The following TMCO4 variants were observed in gnomAD, a reference collection of about 807,000 sequenced individuals.
TMCO4 encodes the protein transmembrane and coiled-coil domain-containing protein 4.
In TMCO4, 58 loss-of-function variants were observed where a neutral mutation model predicts 64.7. The observed-to-expected ratio is 0.90, with a 90% CI of 0.73 to 1.12. The LOEUF is 1.12. TMCO4 is among the 50% of genes most tolerant of loss of function. TMCO4 has a pLI of 0.00. For synonymous variants in TMCO4, 325 were observed against 346.1 expected, an observed-to-expected ratio of 0.94 and a Z score of 0.68; for missense variants, 780 against 825.9, an observed-to-expected ratio of 0.94 and a Z score of 0.68.
chr1:19,729,781 CA>C (rs748987215), intron 13 of TMCO4, among the ~76,000 whole-genome samples: 1 of 151,966 alleles, frequency 6.6e-6, no homozygotes. Flanking sequence ...AATAAATAAA[CA>C]AATAAATAAA....
chr1:19,696,767 T>C (rs555792390), intron 14 of TMCO4, among the ~76,000 whole-genome samples: 2 of 152,302 alleles, frequency 1.3e-5, no homozygotes, highest in African/African-American at 4.8e-5. Context: ...ATTTCTGTTG[T>C]AATTATGACA....
intron 6 of TMCO4, among the ~76,000 whole-genome samples, chr1:19,768,348 C>T (rs959636118): frequency 1.3e-5 from 2 of 152,178 alleles, no homozygotes; most frequent in Non-Finnish European, 2.9e-5. Context: ...CTCAGACCAC[C>T]ATGCAACTCA....
At chr1:19,691,763 T>C (rs1029852003) in intron 15 of TMCO4, among the ~76,000 whole-genome samples, 1 of 152,254 alleles carries the variant, frequency 6.6e-6, no homozygotes, top group African/African-American at 2.4e-5. Flanking sequence ...GGTTTAACTG[T>C]GTCCCCACCC....
chr1:19,760,567 C>A (rs914772937), intron 6 of TMCO4, among the ~76,000 whole-genome samples: 1 of 152,212 alleles, frequency 6.6e-6, no homozygotes, highest in Non-Finnish European at 1.5e-5. Context: ...CAGGCATGTG[C>A]TTCCATGCTC....
intron 4 of TMCO4, among the ~76,000 whole-genome samples, chr1:19,772,617 C>T (rs551807822): frequency 4.5e-4 from 69 of 152,174 alleles, no homozygotes; most frequent in Non-Finnish European, 8.5e-4. Context: ...ACTTAGAAGT[C>T]GATTATACCA....
intron 3 of TMCO4, among the ~76,000 whole-genome samples, chr1:19,784,615 T>C (rs2043640872): frequency 6.6e-6 from 1 of 152,142 alleles, no homozygotes; most frequent in Admixed American, 6.5e-5. Flanking sequence ...TGCCCTACAA[T>C]GCATTCTCTA....
Position 19,734,922 on chromosome 1 carries a change from T to C in TMCO4, c.1264+2450A>G, listed in dbSNP as rs2095446953. Among the ~76,000 whole-genome samples, 1 of 152,068 alleles carries C rather than the reference T, an allele frequency of 6.6e-6. No homozygotes were observed. ...GGAATGTGATCACACTTGCAAGTGCTTGGAACACAGCCTGGCACCCGGTGG... is the reference window on the plus strand; with the variant it reads ...GGAATGTGATCACACTTGCAAGTGCCTGGAACACAGCCTGGCACCCGGTGG... On this transcript the variant is annotated intron_variant, in intron 13 of 15. Coordinates refer to ENST00000294543, the MANE Select transcript of TMCO4 (RefSeq NM_181719.7). This position sits in a 1 kb window ranked among gnomAD's most constrained non-coding sequence, Gnocchi z 4.4.
At chr1:19,783,302 T>C (rs1197056734) in intron 3 of TMCO4, among the ~76,000 whole-genome samples, 2 of 152,180 alleles carry the variant, frequency 1.3e-5, no homozygotes, top group Non-Finnish European at 2.9e-5. Context: ...ATGGCAGACA[T>C]ATAGGGCCCA....
Position 19,723,019 on chromosome 1 carries a change from T to C in TMCO4, c.1264+14353A>G, listed in dbSNP as rs1238659506. 3.3e-5 allele frequency among the ~76,000 whole-genome samples: 5 copies of C among 152,222 alleles called. No individual in the cohort carries two copies. In the South Asian group the frequency reaches 8.3e-4, roughly 25 times the overall value. On this transcript the variant is annotated intron_variant, in intron 13 of 15. Transcript: ENST00000294543. ...GTACTAGTGGGCAGGTTGCTGTACA[T>C]CAGGAAGCCGGACTGCAGGCTCTCC...
chr1:19,716,350 C>G (rs144634177), intron 13 of TMCO4, among the ~76,000 whole-genome samples: 1 of 147,798 alleles, frequency 6.8e-6, no homozygotes. Flanking sequence ...CCTGCCACTA[C>G]GCCCGGCTAT....
At chr1:19,708,818 G>C (rs2095315399) in intron 13 of TMCO4, among the ~76,000 whole-genome samples, 1 of 152,146 alleles carries the variant, frequency 6.6e-6, no homozygotes, top group Admixed American at 6.5e-5. Flanking sequence ...GATTCTGCTG[G>C]GCTGCAAAGA....
chr1:19,756,147 G>C (rs1413355149), intron 6 of TMCO4, among the ~76,000 whole-genome samples: 2 of 152,068 alleles, frequency 1.3e-5, no homozygotes, highest in East Asian at 3.9e-4. Flanking sequence ...GCTACTCAGG[G>C]GGCTGATGTA....
At chr1:19,709,287 G>T (rs531416821) in intron 13 of TMCO4, among the ~76,000 whole-genome samples, 1 of 46,140 alleles carries the variant, frequency 2.2e-5, no homozygotes, top group South Asian at 7.2e-4. Flanking sequence ...ACATCCCGGC[G>T]GGGGGGGGGG....
chr1:19,794,020 A>G (rs74058655), intron 2 of TMCO4, among the ~76,000 whole-genome samples: 2,297 of 151,966 alleles, frequency 0.015, 67 homozygotes, highest in African/African-American at 0.053. Context: ...GGCCGCTGCA[A>G]TCTGGCCTGA....
intron 13 of TMCO4, among the ~76,000 whole-genome samples, chr1:19,703,552 T>C (rs11807471): frequency 9.6e-4 from 134 of 140,300 alleles, no homozygotes; most frequent in Middle Eastern, 3.5e-3. Flanking sequence ...TTTCTTTTCT[T>C]CCTCTTTTTT....
chr1:19,773,536 G>A (rs1456824087), intron 4 of TMCO4, among the ~76,000 whole-genome samples: 1 of 152,338 alleles, frequency 6.6e-6, no homozygotes, highest in East Asian at 1.9e-4. Context: ...GCTCCCTTCA[G>A]CTGAGGCAGG....
intron 13 of TMCO4, among the ~76,000 whole-genome samples, chr1:19,716,336 G>C (rs988154864): frequency 4.7e-5 from 7 of 149,498 alleles, no homozygotes; most frequent in Non-Finnish European, 8.9e-5. Flanking sequence ...AGGGATTACA[G>C]GTGCCTGCCA....
intron 13 of TMCO4, among the ~76,000 whole-genome samples, chr1:19,727,633 C>A (rs1360724381): frequency 1.3e-5 from 2 of 152,102 alleles, no homozygotes; most frequent in African/African-American, 4.8e-5. Context: ...CCAGGAGGGG[C>A]TGAAATATTG....
chr1:19,686,812 C>A (rs1557444881), intron 15 of TMCO4, among the ~76,000 whole-genome samples: 1 of 152,206 alleles, frequency 6.6e-6, no homozygotes, highest in Non-Finnish European at 1.5e-5. Context: ...TGAACCACAG[C>A]TTCCCCATCT....
Sources: gnomAD v4.1 joint callset for allele counts (sites outside exome capture counted in the v4.1 genomes callset) on GRCh38, gnomAD v4.1.1 for gene constraint, Gnocchi (gnomAD v3.1) non-coding constraint, MANE v1.5 for transcripts, NCBI Gene and HGNC (gene_info 2026-07-23, HGNC 2026-07-21) for gene names.